FBXO34: variants seen among roughly 807,000 people sequenced by gnomAD.
FBXO34 encodes the protein F-box only protein 34.
A neutral mutation model predicts 24.5 loss-of-function variants in FBXO34; 12 were observed. The observed-to-expected ratio is 0.49, with a 90% CI of 0.31 to 0.79. The LOEUF (loss-of-function observed/expected upper bound fraction) is 0.79. Among genes scored for constraint, FBXO34 ranks in the 30% least tolerant of loss-of-function variants. The probability of loss-of-function intolerance (pLI) is 0.04; values close to 1 mark genes in which losing one functional copy is unlikely to be tolerated. For missense variants in FBXO34, 823 were observed against 857.7 expected (o/e 0.96, Z 0.51); for synonymous variants, 320 against 311.9 (o/e 1.03, Z -0.27).
At position 55,298,345 on chromosome 14, in the gene FBXO34, C is replaced by G. The variant is rs186161273; in HGVS notation, c.-11+26808C>G. ...GGTGTAGTGGTTCCTCCCACTTCTC[C>G]CATACTTGACCCTTATTTGAACTAG... On this transcript the variant is annotated intron_variant, in intron 1 of 1. Coordinates refer to ENST00000313833, the MANE Select transcript of FBXO34 (RefSeq NM_017943.4). Among the ~76,000 whole-genome samples, 813 of 152,062 alleles carry G rather than the reference C, an allele frequency of 5.3e-3. 7 individuals are homozygous for G. The highest frequency in any genetic ancestry group is 0.019 in the African/African-American group (774 of 41,476).
At chr14:55,299,225 G>A in intron 1 of FBXO34, 1 of 875,320 alleles carries the variant, frequency 1.1e-6, no homozygotes, top group Admixed American at 1.7e-5. Flanking sequence ...CTGCCAAGAA[G>A]AGGAAGACGA....
chr14:55,423,057 G>A, the FBXO34 span, among the ~76,000 whole-genome samples: 5 of 152,016 alleles, frequency 3.3e-5, no homozygotes, highest in East Asian at 5.8e-4. Flanking sequence ...CTCAAATCCC[G>A]AGAAAATACA....
the FBXO34 span, chr14:55,411,537 C>G: frequency 1.3e-6 from 2 of 1,497,596 alleles, no homozygotes; most frequent in African/African-American, 2.8e-5. Context: ...CAGGTTCCAG[C>G]CTTCGGCTGC....
At chr14:55,340,249 G>A (rs1406633694) in intron 1 of FBXO34, among the ~76,000 whole-genome samples, 3 of 151,970 alleles carry the variant, frequency 2.0e-5, no homozygotes, top group Admixed American at 6.6e-5. Context: ...TTTTACCAAC[G>A]TTTGCTTGCT....
At chr14:55,355,732 C>T (rs1166225792), downstream of FBXO34, among the ~76,000 whole-genome samples, 1 of 152,244 alleles carries the variant, frequency 6.6e-6, no homozygotes, top group Non-Finnish European at 1.5e-5. Context: ...TGCCCACCCA[C>T]TGCACTCAAC....
At chr14:55,361,199 C>T (rs1259751276) in intron 3 of FBXO34, among the ~76,000 whole-genome samples, 1 of 152,156 alleles carries the variant, frequency 6.6e-6, no homozygotes, top group Non-Finnish European at 1.5e-5. Flanking sequence ...ACTCCTTGAG[C>T]TATTGGCTGC....
At chr14:55,287,818 A>G (rs1881811829) in intron 1 of FBXO34, among the ~76,000 whole-genome samples, 1 of 152,218 alleles carries the variant, frequency 6.6e-6, no homozygotes, top group East Asian at 1.9e-4. Context: ...ATAAACTAGC[A>G]TGATTTTGTT....
chr14:55,344,875 G>A (rs1884109198), intron 1 of FBXO34, among the ~76,000 whole-genome samples: 1 of 152,132 alleles, frequency 6.6e-6, no homozygotes, highest in African/African-American at 2.4e-5. Flanking sequence ...AGCACCCTGT[G>A]CTATCCTTCT....
At chr14:55,370,078 T>C (rs1290599014), downstream of FBXO34, among the ~76,000 whole-genome samples, 1 of 152,226 alleles carries the variant, frequency 6.6e-6, no homozygotes, top group African/African-American at 2.4e-5. Context: ...TGTTGACATA[T>C]GATTGCGTTT....
At chr14:55,424,432 G>A in the FBXO34 span, among the ~76,000 whole-genome samples, 1 of 152,128 alleles carries the variant, frequency 6.6e-6, no homozygotes, top group Non-Finnish European at 1.5e-5. Flanking sequence ...AATATCTTAT[G>A]GAAGTTAGGA....
chr14:55,322,244 A>G (rs923094303), intron 1 of FBXO34, among the ~76,000 whole-genome samples: 5 of 149,810 alleles, frequency 3.3e-5, no homozygotes, highest in African/African-American at 4.9e-5. Context: ...CGGGAGGCGG[A>G]GCTTGCAGTG....
chr14:55,427,436 A>C, the FBXO34 span, among the ~76,000 whole-genome samples: 1 of 152,244 alleles, frequency 6.6e-6, no homozygotes, highest in Non-Finnish European at 1.5e-5. Flanking sequence ...CATATCTGAA[A>C]GGAAAGCTAA....
At chr14:55,433,305 TTC>T in the FBXO34 span, among the ~76,000 whole-genome samples, 5 of 118,578 alleles carry the variant, frequency 4.2e-5, no homozygotes, top group South Asian at 2.9e-4. Context: ...CTTTTTAGAT[TTC>T]TCTTTTTTTT....
chr14:55,389,021 T>G, the FBXO34 span, among the ~76,000 whole-genome samples: 1 of 152,208 alleles, frequency 6.6e-6, no homozygotes, highest in East Asian at 1.9e-4. Context: ...AAGTCCAGGA[T>G]AGATCCTAGG....
At chr14:55,338,314 G>A (rs1883863478) in intron 1 of FBXO34, among the ~76,000 whole-genome samples, 1 of 151,878 alleles carries the variant, frequency 6.6e-6, no homozygotes, top group Non-Finnish European at 1.5e-5. Context: ...CTCCCAAAGT[G>A]TTAGGATTAC....
At chr14:55,317,170 C>G (rs745683678) in intron 1 of FBXO34, among the ~76,000 whole-genome samples, 1 of 152,000 alleles carries the variant, frequency 6.6e-6, no homozygotes, top group Non-Finnish European at 1.5e-5. Flanking sequence ...AGAGTGGGCT[C>G]GGGTCAGTGG....
In FBXO34 at chr14:55,350,333, T is replaced by G. The variant is rs1012153902; in HGVS notation, c.-10-48T>G. 2.1e-6 allele frequency: 3 copies of G among 1,405,344 alleles called. No homozygotes were observed. In the South Asian group the frequency reaches 5.1e-5, roughly 24 times the overall value. 87.1% of individuals were successfully genotyped at this position (1,405,344 alleles called of 1,614,324 possible). A position where few individuals can be genotyped will look rare whatever the true frequency, so the allele number is the denominator to read the frequency against. On this transcript the variant is annotated intron_variant, in intron 1 of 1. Transcript: ENST00000313833. Reference sequence around the variant, plus strand: ...GCTTAAATTTAAAAACATTTTTTTCTAAAAACAAAATTGGTTTCTGAATCA... The same window carrying G: ...GCTTAAATTTAAAAACATTTTTTTCGAAAAACAAAATTGGTTTCTGAATCA...
At chr14:55,410,609 A>G in the FBXO34 span, among the ~76,000 whole-genome samples, 1 of 152,232 alleles carries the variant, frequency 6.6e-6, no homozygotes, top group African/African-American at 2.4e-5. Context: ...TCCCAAATAT[A>G]GAGGATATAA....
chr14:55,402,777 A>C, the FBXO34 span, among the ~76,000 whole-genome samples: 1 of 148,292 alleles, frequency 6.7e-6, no homozygotes, highest in Non-Finnish European at 1.5e-5. Flanking sequence ...AATTAGAAAC[A>C]GGCCAGGTGT....
Sources: gnomAD v4.1 joint callset for allele counts (sites outside exome capture counted in the v4.1 genomes callset) on GRCh38, gnomAD v4.1.1 for gene constraint, MANE v1.5 for transcripts, NCBI Gene and HGNC (gene_info 2026-07-23, HGNC 2026-07-21) for gene names.